TAFA1: variants seen among roughly 807,000 people sequenced by gnomAD.
The protein encoded by TAFA1 is chemokine-like protein TAFA-1.
TAFA1 carries 4 observed loss-of-function variants against 18.5 expected under a neutral mutation model. The observed-to-expected ratio is 0.22, with a 90% CI of 0.11 to 0.49. TAFA1 has a LOEUF of 0.49. TAFA1 is among the 20% of genes least tolerant of loss of function. The pLI is 0.98. For synonymous variants in TAFA1, 56 were observed against 55.2 expected (o/e 1.01, Z -0.06); for missense variants, 147 against 169.0 (o/e 0.87, Z 0.72).
At chr3:68,369,932 C>T (rs1359805032) in intron 2 of TAFA1, among the ~76,000 whole-genome samples, 1 of 152,042 alleles carries the variant, frequency 6.6e-6, no homozygotes, top group Non-Finnish European at 1.5e-5. Flanking sequence ...TTTTAAGGCA[C>T]TCAGGAAGCT....
intron 3 of TAFA1, among the ~76,000 whole-genome samples, chr3:68,460,648 G>A (rs964391023): frequency 6.6e-6 from 1 of 152,208 alleles, no homozygotes; most frequent in East Asian, 1.9e-4. Flanking sequence ...GAAACAGAGA[G>A]TGAATATTCA....
At chr3:68,184,997 TA>T (rs1407545345) in intron 2 of TAFA1, among the ~76,000 whole-genome samples, 4 of 152,132 alleles carry the variant, frequency 2.6e-5, no homozygotes, top group Non-Finnish European at 5.9e-5. Context: ...TCATTCAATT[TA>T]AACCAATAAA....
At position 68,084,928 on chromosome 3, in the gene TAFA1, A is replaced by T. The variant is rs929254336; in HGVS notation, c.118+78184A>T. ...TACTTTTGTTGCAGCACTTTGAAATATCTGTCCTTATGTTAGAGTCACTGC... is the reference window on the plus strand; with the variant it reads ...TACTTTTGTTGCAGCACTTTGAAATTTCTGTCCTTATGTTAGAGTCACTGC... On this transcript the variant is annotated intron_variant, in intron 2 of 4. Transcript: ENST00000478136. Among the ~76,000 whole-genome samples, 4 of 152,094 alleles carry T rather than the reference A, an allele frequency of 2.6e-5. No homozygotes were observed. In the East Asian group the frequency reaches 7.7e-4, roughly 29 times the overall value.
At chr3:68,518,535 A>T (rs1450099189) in intron 3 of TAFA1, among the ~76,000 whole-genome samples, 3 of 152,306 alleles carry the variant, frequency 2.0e-5, no homozygotes, top group Non-Finnish European at 2.9e-5. Context: ...TTGCATCTGG[A>T]TGAGGGCAAC....
At chr3:68,135,609 C>T (rs925805020) in intron 2 of TAFA1, among the ~76,000 whole-genome samples, 9 of 152,158 alleles carry the variant, frequency 5.9e-5, no homozygotes, top group Admixed American at 2.0e-4. Context: ...TGAGGATTAA[C>T]GAAAATACCT....
chr3:68,367,456 T>A (rs2069596346), intron 2 of TAFA1, among the ~76,000 whole-genome samples: 1 of 152,196 alleles, frequency 6.6e-6, no homozygotes, highest in Non-Finnish European at 1.5e-5. Flanking sequence ...GTAACAACTT[T>A]CAGTGTCCAT....
At chr3:68,389,477 A>T (rs140742666) in intron 2 of TAFA1, among the ~76,000 whole-genome samples, 2 of 152,346 alleles carry the variant, frequency 1.3e-5, no homozygotes, top group African/African-American at 2.4e-5. Context: ...TTAAGAATTG[A>T]TATTACTGGG....
chr3:68,404,487 G>C (rs180991949), intron 2 of TAFA1, among the ~76,000 whole-genome samples: 127 of 152,124 alleles, frequency 8.3e-4, no homozygotes, highest in Non-Finnish European at 1.4e-3. Flanking sequence ...GTTGTGGGCA[G>C]TTCTCCTATA....
rs548527796 is a variant in TAFA1, at chr3:68,272,139, G to A, written c.119-145141G>A. On this transcript the variant is annotated intron_variant, in intron 2 of 4. Transcript: ENST00000478136. The stretch of plus-strand genomic sequence containing the variant: ...ATAGAAATCACTTTACAGAAAAAGA[G>A]CCTTATTCCCACCAGGTGAAAAGCT... Among the ~76,000 whole-genome samples the A allele has an allele frequency of 5.3e-5, 8 of 152,272 alleles. No individual in the cohort carries two copies. In the South Asian group the frequency reaches 1.7e-3, roughly 32 times the overall value.
At chr3:68,340,789 A>C (rs1575790153) in intron 2 of TAFA1, among the ~76,000 whole-genome samples, 1 of 152,220 alleles carries the variant, frequency 6.6e-6, no homozygotes, top group South Asian at 2.1e-4. Context: ...GGATGGATAC[A>C]AAACTAAATT....
chr3:68,331,006 T>C (rs1249540087), intron 2 of TAFA1, among the ~76,000 whole-genome samples: 1 of 152,034 alleles, frequency 6.6e-6, no homozygotes, highest in Non-Finnish European at 1.5e-5. Flanking sequence ...GCAGCACAAT[T>C]CACAATAGCT....
chr3:68,415,171 C>A (rs2070785507), intron 2 of TAFA1, among the ~76,000 whole-genome samples: 1 of 152,166 alleles, frequency 6.6e-6, no homozygotes, highest in Non-Finnish European at 1.5e-5. Context: ...CCATTTATTT[C>A]TTCTCCTTCG....
At chr3:68,122,114 A>G (rs1226008689) in intron 2 of TAFA1, among the ~76,000 whole-genome samples, 3 of 152,158 alleles carry the variant, frequency 2.0e-5, no homozygotes, top group African/African-American at 7.2e-5. Flanking sequence ...TCTGGGATTC[A>G]AACCTCATTC....
intron 2 of TAFA1, among the ~76,000 whole-genome samples, chr3:68,287,407 T>C (rs2068029013): frequency 1.3e-5 from 2 of 152,126 alleles, no homozygotes; most frequent in Non-Finnish European, 2.9e-5. Flanking sequence ...ACCCTCCTCC[T>C]TGAGAGAACA....
intron 2 of TAFA1, among the ~76,000 whole-genome samples, chr3:68,073,195 G>A (rs1021109845): frequency 3.9e-5 from 6 of 152,168 alleles, no homozygotes; most frequent in African/African-American, 1.4e-4. Context: ...GGGTTTCTTG[G>A]AGGATTACTT....
At chr3:68,177,552 A>T (rs1301102833) in intron 2 of TAFA1, among the ~76,000 whole-genome samples, 1 of 152,152 alleles carries the variant, frequency 6.6e-6, no homozygotes, top group East Asian at 1.9e-4. Flanking sequence ...GATTAGATAT[A>T]TTGTCATCTT....
chr3:68,157,687 T>C (rs1458606882), intron 2 of TAFA1, among the ~76,000 whole-genome samples: 3 of 152,188 alleles, frequency 2.0e-5, no homozygotes, highest in Non-Finnish European at 4.4e-5. Context: ...TATCTCCAAA[T>C]AGGGCTGGCT....
chr3:68,017,007 A>C (rs1176904850), intron 2 of TAFA1, among the ~76,000 whole-genome samples: 1 of 152,242 alleles, frequency 6.6e-6, no homozygotes, highest in Non-Finnish European at 1.5e-5. Flanking sequence ...GCTGTGGTCA[A>C]GGAAAGTTTG....
intron 2 of TAFA1, among the ~76,000 whole-genome samples, chr3:68,064,816 A>T (rs1428355499): frequency 6.6e-6 from 1 of 152,018 alleles, no homozygotes; most frequent in Non-Finnish European, 1.5e-5. Context: ...TAAATTTAAT[A>T]AGATCAGCAA....
Sources: allele counts gnomAD v4.1 joint callset (sites outside exome capture counted in the v4.1 genomes callset), GRCh38; gene constraint gnomAD v4.1.1; transcripts MANE v1.5; gene names NCBI Gene and HGNC (gene_info 2026-07-23, HGNC 2026-07-21).